Variants in AAK1 observed in about 807,000 individuals in gnomAD.
AAK1 encodes AP2-associated protein kinase 1.
In AAK1, 37 loss-of-function variants were observed where a neutral mutation model predicts 116.0. That is an observed-to-expected ratio of 0.32 (90% CI 0.25 to 0.42). AAK1 has a LOEUF of 0.42. Ranked by LOEUF, AAK1 falls within the 10% of genes least tolerant of loss-of-function variation. The pLI is 1.00. For missense variants in AAK1, 919 were observed against 1,170.6 expected, an observed-to-expected ratio of 0.79 and a Z score of 3.14; for synonymous variants, 458 against 439.9, an observed-to-expected ratio of 1.04 and a Z score of -0.51.
At chr2:69,625,355 T>A (rs541354605) in intron 2 of AAK1, among the ~76,000 whole-genome samples, 1 of 152,196 alleles carries the variant, frequency 6.6e-6, no homozygotes, top group African/African-American at 2.4e-5. Flanking sequence ...AACATGAAAT[T>A]CAAAAAAGAC....
At chr2:69,639,899 G>T (rs375544913) in intron 2 of AAK1, among the ~76,000 whole-genome samples, 1 of 152,004 alleles carries the variant, frequency 6.6e-6, no homozygotes, top group South Asian at 2.1e-4. Flanking sequence ...AGCCTTTAAG[G>T]AGCTGGTGAG....
chr2:69,570,397 G>C (rs1156417208), intron 2 of AAK1, among the ~76,000 whole-genome samples: 1 of 151,810 alleles, frequency 6.6e-6, no homozygotes, highest in Admixed American at 6.6e-5. Flanking sequence ...CATACATGTG[G>C]CCTGAAGCTC....
At chr2:69,560,254 A>G (rs1249438209) in intron 2 of AAK1, among the ~76,000 whole-genome samples, 1 of 152,236 alleles carries the variant, frequency 6.6e-6, no homozygotes, top group Non-Finnish European at 1.5e-5. Context: ...AGTGCCATTC[A>G]AGATACTTCT....
intron 10 of AAK1, among the ~76,000 whole-genome samples, chr2:69,524,560 A>G (rs1438757914): frequency 6.6e-6 from 1 of 151,884 alleles, no homozygotes; most frequent in Non-Finnish European, 1.5e-5. Flanking sequence ...TCAGCCTCCC[A>G]AGCAGCTGGG....
chr2:69,536,059 C>T (rs1043838452), intron 5 of AAK1, among the ~76,000 whole-genome samples: 1 of 152,160 alleles, frequency 6.6e-6, no homozygotes, highest in Non-Finnish European at 1.5e-5. Flanking sequence ...AAAAAAGAGG[C>T]CAGAGAAGTT....
intron 14 of AAK1, among the ~76,000 whole-genome samples, chr2:69,508,381 A>G (rs142520706): frequency 2.4e-4 from 37 of 152,352 alleles, no homozygotes; most frequent in Non-Finnish European, 4.6e-4. Flanking sequence ...TCTAAGTATC[A>G]TTATATAATT....
Position 69,475,806 on chromosome 2 carries a change from C to T in AAK1, c.*63G>A. The T allele has an allele frequency of 6.6e-7, 1 of 1,524,166 alleles. No homozygotes were observed. The highest frequency in any genetic ancestry group is 1.2e-5 in the South Asian group (1 of 80,476). The allele number at this position is 1,524,166 out of a possible 1,614,324, so 94.4% of individuals were successfully genotyped here. ...TAAAAAAATCATTTTTTTCATAACT[C>T]CGTAATGAAAATGTATTTTACGGTA... On this transcript the variant is annotated 3_prime_UTR_variant, in exon 22 of 22. Coordinates refer to ENST00000409085, the MANE Select transcript of AAK1 (RefSeq NM_014911.5).
rs71397334 is a variant in AAK1 at position 69,520,358 on chromosome 2, C to CTTT, written c.1210+473_1210+475dup. 5.7e-4 allele frequency among the ~76,000 whole-genome samples: 73 copies of CTTT among 127,404 alleles called. 1 individual carries two copies. Among genetic ancestry groups the CTTT allele is most frequent in the African/African-American group, 2.0e-3 (66 of 32,856 alleles). 83.6% of individuals were successfully genotyped at this position (127,404 alleles called of 152,430 possible). A position where few individuals can be genotyped will look rare whatever the true frequency, so the allele number is the denominator to read the frequency against. On this transcript the variant is annotated intron_variant, in intron 11 of 21. Coordinates refer to ENST00000409085, the MANE Select transcript of AAK1 (RefSeq NM_014911.5). ...CAGCCATTTGCGATACAATTCTTTT[C>CTTT]TTTTTTTTTTTTTTTTTTTGAAGCG...
intron 17 of AAK1, 36 bp downstream of exon 17, chr2:69,495,949 A>G (rs1323836383): frequency 1.3e-6 from 2 of 1,518,746 alleles, no homozygotes; most frequent in African/African-American, 1.4e-5. Flanking sequence ...CATGCAAATC[A>G]AGCTGCTTAA....
chr2:69,569,920 A>C (rs1428385134), intron 2 of AAK1, among the ~76,000 whole-genome samples: 2 of 152,150 alleles, frequency 1.3e-5, no homozygotes, highest in Admixed American at 1.3e-4. Flanking sequence ...TTATAAAGAA[A>C]GCTCTAAGAG....
intron 17 of AAK1, among the ~76,000 whole-genome samples, chr2:69,488,149 CGTGTGTGTGTGTGT>C (rs58575925): frequency 6.9e-6 from 1 of 144,542 alleles, no homozygotes; most frequent in Non-Finnish European, 1.5e-5. Context: ...TGTGTGTGGA[CGTGTGTGTGTGTGT>C]GTGTGTGTGT....
chr2:69,558,198 C>T (rs943079140), intron 2 of AAK1, among the ~76,000 whole-genome samples: 4 of 151,884 alleles, frequency 2.6e-5, no homozygotes, highest in African/African-American at 7.3e-5. Flanking sequence ...CAAAAATTAG[C>T]GAGGCATGGT....
In AAK1 at chr2:69,467,602, T is replaced by C; in HGVS notation, c.*8267A>G. On this transcript the variant is annotated 3_prime_UTR_variant, in exon 22 of 22. Transcript: ENST00000409085. ...GTTTCCCAACCCACCAGGATAAGAA[T>C]ATTAGATACAATGATTTGGAGCCAT... 1 of 985,368 alleles carries C rather than the reference T, an allele frequency of 1.0e-6. No homozygotes were observed. The highest frequency in any genetic ancestry group is 1.2e-6 in the Non-Finnish European group (1 of 829,926). 61.0% of individuals were successfully genotyped at this position (985,368 alleles called of 1,614,324 possible). A position where few individuals can be genotyped will look rare whatever the true frequency, so the allele number is the denominator to read the frequency against.
In AAK1 at chr2:69,509,251, C is replaced by G. The variant is rs774481258; in HGVS notation, c.1986G>C (p.Glu662Asp). 6.2e-6 allele frequency: 10 copies of G among 1,613,858 alleles called. No homozygotes were observed. Among genetic ancestry groups the G allele is most frequent in the Admixed American group, 1.7e-5 (1 of 60,006 alleles). ...STQLLQAAAA[E>D]ASLNKSKSAT... ...CATACTTGGACTTATTGAGACTGGC[C>G]TCAGCTGCAGCTGCCTGGAGCAGCT... The change falls in exon 14 of 22, where the codon GAG becomes GAC. Residue 662 changes from glutamate (E) to aspartate (D), a missense_variant. Around this residue, in one of 4 missense-constraint regions of AAK1, gnomAD observed 125 missense variants for 184.1 expected, o/e 0.68. Coordinates refer to ENST00000409085, the MANE Select transcript of AAK1 (RefSeq NM_014911.5).
At chr2:69,497,395 C>T (rs960239500) in intron 16 of AAK1, among the ~76,000 whole-genome samples, 8 of 150,006 alleles carry the variant, frequency 5.3e-5, no homozygotes, top group Admixed American at 5.3e-4. Context: ...CTCTGCCTCC[C>T]AGGTTCAAGC....
intron 3 of AAK1, among the ~76,000 whole-genome samples, chr2:69,546,499 A>G (rs747296788): frequency 1.4e-4 from 22 of 152,248 alleles, no homozygotes; most frequent in Non-Finnish European, 2.8e-4. Flanking sequence ...TGAAACCAAA[A>G]TAAGGATCAT....
intron 2 of AAK1, among the ~76,000 whole-genome samples, chr2:69,630,015 G>A (rs547258339): frequency 4.6e-4 from 70 of 152,198 alleles, no homozygotes; most frequent in African/African-American, 1.7e-3. Flanking sequence ...CAGCTGCGGG[G>A]AACACCATGA....
chr2:69,476,931 C>T lies in AAK1; in HGVS notation c.2740G>A (p.Ala914Thr), dbSNP rs370024095. Residue 914 changes from alanine to threonine, a missense_variant, in exon 21 of 22, where the codon GCT (alanine) becomes ACT (threonine). Physicochemically the swap from Ala to Thr is moderately conservative, Grantham distance 58. Coordinates refer to ENST00000409085, the MANE Select transcript of AAK1 (RefSeq NM_014911.5). ...GGAATAGGGTCAAACTCATCTTCAG[C>T]CACCTTGTCCGAGCCCTCAGGGACA... The part of the protein sequence containing the change: ...FDVPEGSDKV[A>T]EDEFDPIPVL... The T allele has an allele frequency of 1.2e-6, 2 of 1,613,522 alleles. No individual in the cohort carries two copies. The highest frequency in any genetic ancestry group is 2.7e-5 in the African/African-American group (2 of 74,860).
chr2:69,505,125 G>GCACACACC lies in AAK1; in HGVS notation c.2269+443_2269+444insGGTGTGTG, dbSNP rs1553410734. 5.6e-5 allele frequency among the ~76,000 whole-genome samples: 6 copies of GCACACACC among 108,108 alleles called. No individual in the cohort carries two copies. The East Asian group carries it at 2.3e-3, about 41-fold the overall frequency. 70.9% of individuals were successfully genotyped at this position (108,108 alleles called of 152,430 possible). ...TCCCCAACAGCGTGCGTGCGTGTGC[G>GCACACACC]CACACACACCCACACACACACACAC... is the stretch of plus-strand genomic sequence containing the variant. On this transcript the variant is annotated intron_variant, in intron 16 of 21. Transcript: ENST00000409085.
Sources: allele counts gnomAD v4.1 joint callset (sites outside exome capture counted in the v4.1 genomes callset), GRCh38; gene constraint gnomAD v4.1.1; regional missense constraint gnomAD v4.1.1; transcripts MANE v1.5; gene names NCBI Gene and HGNC (gene_info 2026-07-23, HGNC 2026-07-21).